Variants in OR51B5 observed in about 807,000 individuals in gnomAD.
OR51B5 encodes olfactory receptor 51B5.
For missense variants in OR51B5, 456 were observed against 374.6 expected (o/e 1.22, Z -1.79); for synonymous variants, 186 against 144.8 (o/e 1.28, Z -2.04).
intron 1 of OR51B5, chr11:5,389,765 G>C (rs1266857987): frequency 8.7e-6 from 14 of 1,613,806 alleles, no homozygotes; most frequent in Non-Finnish European, 1.1e-5. Context: ...TTCCTTCATG[G>C]AGTCCTCAGT....
At chr11:5,419,635 G>A (rs967720452) in intron 1 of OR51B5, among the ~76,000 whole-genome samples, 1 of 152,062 alleles carries the variant, frequency 6.6e-6, no homozygotes, top group Non-Finnish European at 1.5e-5. Context: ...TTTAGGTATG[G>A]AACATGAACA....
At chr11:5,420,687 A>T (rs1850320576) in intron 1 of OR51B5, among the ~76,000 whole-genome samples, 1 of 152,024 alleles carries the variant, frequency 6.6e-6, no homozygotes, top group Admixed American at 6.5e-5. Context: ...AAATGCTTAT[A>T]TTATTTTCTC....
chr11:5,480,634 C>A (rs999423464), intron 1 of OR51B5, among the ~76,000 whole-genome samples: 3 of 151,048 alleles, frequency 2.0e-5, no homozygotes, highest in East Asian at 2.0e-4. Flanking sequence ...GAAAAAAAGA[C>A]AGAAGAATCA....
At chr11:5,460,393 G>C (rs887374970) in intron 1 of OR51B5, among the ~76,000 whole-genome samples, 2 of 152,108 alleles carry the variant, frequency 1.3e-5, no homozygotes, top group Non-Finnish European at 2.9e-5. Flanking sequence ...GAACGTAAAA[G>C]TTTTGAAAAA....
chr11:5,351,958 G>C, intron 1 of OR51B5: 2 of 1,612,914 alleles, frequency 1.2e-6, no homozygotes, highest in Non-Finnish European at 1.7e-6. Flanking sequence ...GACAAGGGCT[G>C]GTCTGTCCAT....
At chr11:5,434,428 C>A (rs1850567697) in intron 1 of OR51B5, among the ~76,000 whole-genome samples, 1 of 152,150 alleles carries the variant, frequency 6.6e-6, no homozygotes, top group Non-Finnish European at 1.5e-5. Flanking sequence ...TATAACACTC[C>A]AGGGTGGTGC....
intron 1 of OR51B5, among the ~76,000 whole-genome samples, chr11:5,374,209 C>T (rs561448495): frequency 1.3e-5 from 2 of 152,170 alleles, no homozygotes; most frequent in African/African-American, 2.4e-5. Flanking sequence ...GCTGCTGATA[C>T]CCAGGCAAAC....
chr11:5,397,412 A>G (rs1261058172), intron 1 of OR51B5, among the ~76,000 whole-genome samples: 2 of 152,220 alleles, frequency 1.3e-5, no homozygotes, highest in African/African-American at 4.8e-5. Context: ...ACACTTCTCA[A>G]AAGAAGACAT....
chr11:5,346,582 A>T (rs1016327917), upstream of OR51B5, among the ~76,000 whole-genome samples: 2 of 151,972 alleles, frequency 1.3e-5, no homozygotes, highest in African/African-American at 4.8e-5. Context: ...GAAAGGAAAG[A>T]AGACATATGA....
rs780796839 is a variant in OR51B5 at position 5,343,146 on chromosome 11, G to C, written c.379C>G (p.Pro127Ala). 5.0e-6 allele frequency: 8 copies of C among 1,613,822 alleles called. No individual in the cohort carries two copies. The South Asian group carries it at 7.7e-5, about 16-fold the overall frequency. Residue 127 changes from proline to alanine, a missense_variant, in exon 1 of 1, where the codon CCT (proline) becomes GCT (alanine). Transcript: ENST00000300773. Reference sequence around the variant, plus strand: ...GTAAGTACAGAGGTATATCTAAGAGGGTTGCAGATGGCAATAAAACGGTCA... The same window carrying C: ...GTAAGTACAGAGGTATATCTAAGAGCGTTGCAGATGGCAATAAAACGGTCA...
At chr11:5,465,074 C>G (rs181737503) in intron 1 of OR51B5, among the ~76,000 whole-genome samples, 1 of 150,730 alleles carries the variant, frequency 6.6e-6, no homozygotes, top group Non-Finnish European at 1.5e-5. Flanking sequence ...GGCGTAGTGG[C>G]GGGCGCCTGT....
rs56677841 is a variant in OR51B5, at chr11:5,452,504, CAAAAAAAAAAAAAAAAAAAAAAAA to C, written n.84+53041_84+53064del. ...TGGGCAAAAGAGAGAGACTCTGTCT[CAAAAAAAAAAAAAAAAAAAAAAAA>C]AAAAAAAAAAAAAAAATCAACAGGG... On this transcript the variant is annotated intron_variant and non_coding_transcript_variant, in intron 1 of 4. Coordinates refer to the OR51B5 transcript ENST00000415970. Among the ~76,000 whole-genome samples, 509 of 69,210 alleles carry C rather than the reference CAAAAAAAAAAAAAAAAAAAAAAAA, an allele frequency of 7.4e-3. 4 individuals are homozygous for C. Among genetic ancestry groups the C allele is most frequent in the Non-Finnish European group, 0.011 (405 of 38,390 alleles). 45.4% of individuals were successfully genotyped at this position (69,210 alleles called of 152,430 possible).
At chr11:5,407,194 T>C (rs1391609) in intron 1 of OR51B5, among the ~76,000 whole-genome samples, 127,492 of 152,068 alleles carry the variant, frequency 0.84, 53,940 homozygotes, top group Non-Finnish European at 0.89. Flanking sequence ...CATTTTGTGA[T>C]AATTTTTGAG....
intron 1 of OR51B5, among the ~76,000 whole-genome samples, chr11:5,452,503 TCAAAAAAAAAAAAAAAAAA>T (rs1564817776): frequency 9.2e-5 from 3 of 32,764 alleles, no homozygotes; most frequent in Non-Finnish European, 1.0e-4. Context: ...AGACTCTGTC[TCAAAAAAAAAAAAAAAAAA>T]AAAAAAAAAA....
intron 1 of OR51B5, among the ~76,000 whole-genome samples, chr11:5,420,375 A>G (rs1462125596): frequency 6.6e-6 from 1 of 152,030 alleles, no homozygotes; most frequent in Non-Finnish European, 1.5e-5. Context: ...CCATTATTGC[A>G]TTTTTGGATG....
intron 1 of OR51B5, among the ~76,000 whole-genome samples, chr11:5,366,152 G>T (rs1455689843): frequency 6.6e-6 from 1 of 152,130 alleles, no homozygotes; most frequent in Non-Finnish European, 1.5e-5. Context: ...ATAAGAAACA[G>T]TATGTGAAGA....
chr11:5,363,600 T>C lies in OR51B5; in HGVS notation n.85-16690A>G, dbSNP rs368708673. 1.2e-3 allele frequency among the ~76,000 whole-genome samples: 177 copies of C among 152,178 alleles called. 1 individual carries two copies. Among genetic ancestry groups the C allele is most frequent in the African/African-American group, 4.0e-3 (167 of 41,520 alleles). On this transcript the variant is annotated intron_variant and non_coding_transcript_variant, in intron 1 of 4. Transcript: ENST00000415970. The stretch of plus-strand genomic sequence containing the variant: ...AGTGTGAATGCAGAAAGAAGATATA[T>C]TGAGGTAGATTTTTCTCATAGATAC...
intron 1 of OR51B5, among the ~76,000 whole-genome samples, chr11:5,411,470 G>A (rs1038841181): frequency 2.9e-4 from 17 of 58,924 alleles, no homozygotes; most frequent in African/African-American, 6.1e-4. Flanking sequence ...CTGTTGCTAA[G>A]TGACACATGA....
At chr11:5,443,931 C>T (rs376800554) in intron 1 of OR51B5, among the ~76,000 whole-genome samples, 26 of 152,196 alleles carry the variant, frequency 1.7e-4, no homozygotes, top group African/African-American at 5.8e-4. Context: ...TATACTTACA[C>T]ACCCGGTATT....
Sources: allele counts gnomAD v4.1 joint callset (sites outside exome capture counted in the v4.1 genomes callset), GRCh38; gene constraint gnomAD v4.1.1; transcripts MANE v1.5; gene names NCBI Gene and HGNC (gene_info 2026-07-23, HGNC 2026-07-21).